TENM3: variants seen among roughly 807,000 people sequenced by gnomAD.
TENM3 encodes the protein teneurin transmembrane protein 3.
Under a neutral mutation model 255.1 loss-of-function variants are expected in TENM3, and 63 were observed. The observed-to-expected ratio is 0.25, with a 90% CI of 0.20 to 0.30. The LOEUF (loss-of-function observed/expected upper bound fraction) is 0.30. TENM3 is among the 10% of genes least tolerant of loss of function. The pLI, the probability that TENM3 is intolerant of heterozygous loss-of-function variation, is 1.00. For missense variants in TENM3, 2,929 were observed against 3,461.1 expected (o/e 0.85, Z 3.86); for synonymous variants, 1,306 against 1,322.3 (o/e 0.99, Z 0.27).
In TENM3 at chr4:182,681,924, C is replaced by G; in HGVS notation, c.1945C>G (p.Pro649Ala). ...SNCEILKTMC[P>A]DQCSGHGTYL... ...TTGTGAAATACTGAAGACCATGTGT[C>G]CAGACCAGTGCTCCGGCCACGGAAC... Residue 649 changes from proline (P) to alanine (A), a missense_variant, in exon 11 of 28, where the codon CCA becomes GCA. Coordinates refer to ENST00000511685, the MANE Select transcript of TENM3 (RefSeq NM_001080477.4). The G allele has an allele frequency of 6.2e-7, 1 of 1,613,978 alleles. No homozygotes were observed. Among genetic ancestry groups the G allele is most frequent in the Non-Finnish European group, 8.5e-7 (1 of 1,179,878 alleles).
intron 3 of TENM3, among the ~76,000 whole-genome samples, chr4:182,515,750 T>C (rs1044399124): frequency 6.6e-6 from 1 of 152,180 alleles, no homozygotes; most frequent in African/African-American, 2.4e-5. Flanking sequence ...CTAAGAGAAA[T>C]GGAATAAATT....
chr4:182,096,434 T>C, the TENM3 span, among the ~76,000 whole-genome samples: 2,461 of 152,258 alleles, frequency 0.016, 78 homozygotes, highest in East Asian at 0.14. Flanking sequence ...AGCCAAATCA[T>C]AGAAGAAAGA....
the TENM3 span, among the ~76,000 whole-genome samples, chr4:181,913,997 G>A: frequency 5.9e-5 from 9 of 152,158 alleles, no homozygotes; most frequent in East Asian, 1.9e-4. Flanking sequence ...AAGCCAAATC[G>A]CATCTTAGCC....
chr4:182,793,822 T>A lies in TENM3; in HGVS notation c.7150T>A (p.Leu2384Met). ...TGGGAAGGACCCAGCTCCTTTTAAC[T>A]TGTACATGTTTAGGAATAACAACCC... ...RIGKDPAPFN[L>M]YMFRNNNPAS... Residue 2384 changes from leucine to methionine, a missense_variant, in exon 26 of 28, where the codon TTG (leucine) becomes ATG (methionine). Physicochemically the swap from Leu to Met is conservative, Grantham distance 15. This residue lies in a region of TENM3 where 476 missense variants were observed against 480.1 expected (regional missense o/e 0.99). Coordinates refer to ENST00000511685, the MANE Select transcript of TENM3 (RefSeq NM_001080477.4). This position sits in a 1 kb window ranked among gnomAD's most constrained non-coding sequence, Gnocchi z 5.7. 6.2e-7 allele frequency: 1 copy of A among 1,613,860 alleles called. No individual in the cohort carries two copies. Among genetic ancestry groups the A allele is most frequent in the Non-Finnish European group, 8.5e-7 (1 of 1,179,838 alleles).
At chr4:182,632,403 A>T (rs928655401) in intron 5 of TENM3, among the ~76,000 whole-genome samples, 6 of 152,174 alleles carry the variant, frequency 3.9e-5, no homozygotes, top group Admixed American at 2.6e-4. Flanking sequence ...ATAACCACCA[A>T]CGCTAGTCAT....
intron 5 of TENM3, among the ~76,000 whole-genome samples, chr4:182,649,776 C>T (rs1246768016): frequency 6.7e-6 from 1 of 150,300 alleles, no homozygotes; most frequent in Non-Finnish European, 1.5e-5. Flanking sequence ...ATATCCTCGG[C>T]CCCAGCCCCC....
At chr4:182,070,926 C>G in the TENM3 span, among the ~76,000 whole-genome samples, 3 of 152,278 alleles carry the variant, frequency 2.0e-5, no homozygotes, top group African/African-American at 4.8e-5. Context: ...TGACATTGCT[C>G]TCTTCCTCTT....
intron 1 of TENM3, among the ~76,000 whole-genome samples, chr4:182,298,261 C>T (rs992139978): frequency 6.6e-6 from 1 of 152,180 alleles, no homozygotes; most frequent in Non-Finnish European, 1.5e-5. Context: ...CCTAGCACCT[C>T]GTGCAGTGCC....
At chr4:181,807,409 A>C in the TENM3 span, among the ~76,000 whole-genome samples, 44 of 152,346 alleles carry the variant, frequency 2.9e-4, no homozygotes, top group South Asian at 2.1e-4. Context: ...GCTGGAGTGC[A>C]ATGGCACAAT....
At chr4:181,605,245 A>G in the TENM3 span, among the ~76,000 whole-genome samples, 1 of 151,784 alleles carries the variant, frequency 6.6e-6, no homozygotes, top group Non-Finnish European at 1.5e-5. Context: ...GGAGATAGTG[A>G]CCATCCTGGC....
the TENM3 span, among the ~76,000 whole-genome samples, chr4:181,745,871 G>A: frequency 1.3e-5 from 2 of 152,330 alleles, 1 homozygote; most frequent in African/African-American, 4.8e-5. Context: ...TCTGTGTGTT[G>A]TGTAGTTTTC....
intron 3 of TENM3, among the ~76,000 whole-genome samples, chr4:182,486,820 C>T (rs1734785869): frequency 6.6e-6 from 1 of 152,110 alleles, no homozygotes. Context: ...ATATACACTG[C>T]CTTGGCCTTA....
chr4:181,592,662 CT>C, the TENM3 span, among the ~76,000 whole-genome samples: 12,546 of 129,952 alleles, frequency 0.097, 618 homozygotes, highest in Middle Eastern at 0.13. Context: ...GAAAATCTCT[CT>C]TTTTTTTTTT....
Position 182,171,160 on chromosome 4 carries a change from G to A in TENM3, c.-76+26406G>A, listed in dbSNP as rs143214612. Among the ~76,000 whole-genome samples, 549 of 152,160 alleles carry A rather than the reference G, an allele frequency of 3.6e-3. 5 individuals are homozygous for A. The highest frequency in any genetic ancestry group is 0.012 in the African/African-American group (497 of 41,514). ...TAAAAAGTAGCTTTCAGCTAACAAG[G>A]CAGTAACACAAAAATATATTAATAC... On this transcript the variant is annotated intron_variant, in intron 1 of 2. Transcript: ENST00000512480.
At chr4:181,742,029 C>T in the TENM3 span, among the ~76,000 whole-genome samples, 1 of 152,110 alleles carries the variant, frequency 6.6e-6, no homozygotes, top group Non-Finnish European at 1.5e-5. Context: ...ACTATTTCTT[C>T]GTTTAAAATT....
chr4:182,653,419 T>TAGTA (rs1348455973), intron 5 of TENM3, among the ~76,000 whole-genome samples: 1 of 152,214 alleles, frequency 6.6e-6, no homozygotes, highest in Non-Finnish European at 1.5e-5. Flanking sequence ...ACCTGTGGTC[T>TAGTA]AGTAAGTGGC....
the TENM3 span, among the ~76,000 whole-genome samples, chr4:181,501,409 C>T: frequency 2.0e-5 from 3 of 150,174 alleles, no homozygotes; most frequent in Admixed American, 6.6e-5. Flanking sequence ...GATGGAGTCT[C>T]GCACTGTCGC....
chr4:182,139,853 A>C (rs1749274415), upstream of TENM3, among the ~76,000 whole-genome samples: 1 of 152,234 alleles, frequency 6.6e-6, no homozygotes, highest in African/African-American at 2.4e-5. Context: ...CATGGAATAC[A>C]AACGAATGTA....
the TENM3 span, among the ~76,000 whole-genome samples, chr4:181,928,396 A>G: frequency 6.6e-6 from 1 of 151,946 alleles, no homozygotes; most frequent in African/African-American, 2.4e-5. Flanking sequence ...ACAAGTATCA[A>G]TACCTGAATC....
Sources: allele counts gnomAD v4.1 joint callset (sites outside exome capture counted in the v4.1 genomes callset), GRCh38; gene constraint gnomAD v4.1.1; regional missense constraint gnomAD v4.1.1; non-coding constraint Gnocchi (gnomAD v3.1); transcripts MANE v1.5; gene names NCBI Gene and HGNC (gene_info 2026-07-23, HGNC 2026-07-21).